SLC35B2: variants seen among roughly 807,000 people sequenced by gnomAD.
The protein encoded by SLC35B2 is solute carrier family 35 member B2.
Under a neutral mutation model 37.9 loss-of-function variants are expected in SLC35B2, and 19 were observed. The observed-to-expected ratio is 0.50, with a 90% CI of 0.35 to 0.74. The LOEUF is 0.74. Ranked by LOEUF, SLC35B2 falls within the 30% of genes least tolerant of loss-of-function variation. The pLI, the probability that SLC35B2 is intolerant of heterozygous loss-of-function variation, is 0.01. For synonymous variants in SLC35B2, 277 were observed against 225.2 expected, an observed-to-expected ratio of 1.23 and a Z score of -2.06; for missense variants, 633 against 547.6, an observed-to-expected ratio of 1.16 and a Z score of -1.56.
Position 44,255,234 on chromosome 6 carries a change from G to A in SLC35B2, c.771C>T (p.Ser257=), listed in dbSNP as rs772246372. 141 of 1,614,092 alleles carry A rather than the reference G, an allele frequency of 8.7e-5. No individual in the cohort carries two copies. The highest frequency in any genetic ancestry group is 2.9e-4 in the East Asian group (13 of 44,890). Residue 257 remains serine, a synonymous_variant, in exon 4 of 4, where the codon AGC becomes AGT. Coordinates refer to ENST00000393812, the MANE Select transcript of SLC35B2 (RefSeq NM_178148.4). Reference sequence around the variant, plus strand: ...CTGGGGAGCTGCGGGGCTCTGGTCCGCTGGATAGCAGAAACATGCTGACCC... The same window carrying A: ...CTGGGGAGCTGCGGGGCTCTGGTCCACTGGATAGCAGAAACATGCTGACCC... ...SIGVSMFLLS[S]GPEPRSSPAT... is the part of the protein sequence containing the mutation.
rs1479203067 is a variant in SLC35B2 at position 44,254,165 on chromosome 6, A to G, written c.*541T>C. The G allele has an allele frequency of 9.2e-6, 2 of 218,094 alleles. No homozygotes were observed. The highest frequency in any genetic ancestry group is 4.7e-5 in the African/African-American group (2 of 42,368). 13.5% of individuals were successfully genotyped at this position (218,094 alleles called of 1,614,324 possible). A position where few individuals can be genotyped will look rare whatever the true frequency, so the allele number is the denominator to read the frequency against. On this transcript the variant is annotated 3_prime_UTR_variant, in exon 4 of 4. Transcript: ENST00000393812. ...GAGCAAAAAGTTACATTTCTAAAGT[A>G]CCAAAACCTGCAACAGGCTCATGGA...
rs185368084 is a variant in SLC35B2, at chr6:44,255,007, C to T, written c.998G>A (p.Arg333Gln). Residue 333 changes from arginine (R) to glutamine (Q), a missense_variant, in exon 4 of 4, where the codon CGA (arginine) becomes CAA (glutamine). Coordinates refer to ENST00000393812, the MANE Select transcript of SLC35B2 (RefSeq NM_178148.4). ...ALLEGTRFMG[R>Q]HSEFAAHALL... Reference sequence around the variant, plus strand: ...GGCATGGGCAGCAAACTCACTGTGTCGCCCCATGAAGCGGGTTCCCTCCAG... The same window carrying T: ...GGCATGGGCAGCAAACTCACTGTGTTGCCCCATGAAGCGGGTTCCCTCCAG... 103 of 1,614,156 alleles carry T rather than the reference C, an allele frequency of 6.4e-5. 1 individual carries two copies. The South Asian group carries it at 6.5e-4, about 10-fold the overall frequency.
chr6:44,254,671 C>G lies in SLC35B2; in HGVS notation c.*35G>C. On this transcript the variant is annotated 3_prime_UTR_variant, in exon 4 of 4. Coordinates refer to ENST00000393812, the MANE Select transcript of SLC35B2 (RefSeq NM_178148.4). ...CAGCAGAAGGGGATGGTGGGAGGGTCCTATTTCACTTCACCCCTCAGGCCC... is the reference window on the plus strand; with the variant it reads ...CAGCAGAAGGGGATGGTGGGAGGGTGCTATTTCACTTCACCCCTCAGGCCC... 6.4e-7 allele frequency: 1 copy of G among 1,569,880 alleles called. No homozygotes were observed. Among genetic ancestry groups the G allele is most frequent in the Non-Finnish European group, 8.7e-7 (1 of 1,154,742 alleles).
In SLC35B2 at chr6:44,254,446, T is replaced by C. The variant is rs1363263471; in HGVS notation, c.*260A>G. 1.0e-5 allele frequency: 5 copies of C among 484,656 alleles called. No individual in the cohort carries two copies. The South Asian group carries it at 1.2e-4, about 12-fold the overall frequency. 30.0% of individuals were successfully genotyped at this position (484,656 alleles called of 1,614,324 possible). On this transcript the variant is annotated 3_prime_UTR_variant, in exon 4 of 4. Transcript: ENST00000393812. The stretch of plus-strand genomic sequence containing the variant: ...TAACTGGAACCTACCTATGCTCTCT[T>C]GACCCCAAACTCCCCAAAACCCCTC...
intron 3 of SLC35B2, 67 bp from the exon 4 acceptor site, chr6:44,255,711 C>T: frequency 2.8e-6 from 4 of 1,447,462 alleles, no homozygotes; most frequent in Non-Finnish European, 3.7e-6. Context: ...AAAAATTGAC[C>T]TCTCTCTCTT....
Position 44,254,711 on chromosome 6 carries a change from CCTT to C in SLC35B2, c.1291_1293del (p.Lys431del), listed in dbSNP as rs752392556. On this transcript the variant is annotated inframe_deletion, in exon 4 of 4. Coordinates refer to ENST00000393812, the MANE Select transcript of SLC35B2 (RefSeq NM_178148.4). ...CCCTCAGGCCCTTTCCACCCTCAAA[CCTT>C]CTGCACAGGAGACTCAACAGGCACA... 4.7e-5 allele frequency: 76 copies of C among 1,607,456 alleles called. No homozygotes were observed. The highest frequency in any genetic ancestry group is 3.0e-4 in the Admixed American group (18 of 59,742).
At chr6:44,257,001 C>G (rs920962872) in intron 1 of SLC35B2, 123 bp from the exon 2 acceptor site, 4 of 1,092,852 alleles carry the variant, frequency 3.7e-6, no homozygotes, top group South Asian at 1.8e-5. Flanking sequence ...AGCTCCGGCC[C>G]GGACAAAGAG....
At position 44,256,884 on chromosome 6, in the gene SLC35B2, A is replaced by C. The variant is rs780354492; in HGVS notation, c.12-6T>G. ...GCACCACCACTGCCCACCATCTGTA[A>C]GGAAAGCGGACATAAGGATTAGGGC... On this transcript the variant is annotated splice_polypyrimidine_tract_variant and splice_region_variant and intron_variant, in intron 1 of 3. Coordinates refer to ENST00000393812, the MANE Select transcript of SLC35B2 (RefSeq NM_178148.4). The C allele has an allele frequency of 1.9e-6, 3 of 1,601,916 alleles. No individual in the cohort carries two copies. In the South Asian group the frequency reaches 3.3e-5, roughly 18 times the overall value.
chr6:44,254,592 G>A lies in SLC35B2; in HGVS notation c.*114C>T. ...ATCCCCTGCTGCAGAGCTGGTCTGTGATACTGAGAAAACACCTGCATTTTG... is the reference window on the plus strand; with the variant it reads ...ATCCCCTGCTGCAGAGCTGGTCTGTAATACTGAGAAAACACCTGCATTTTG... On this transcript the variant is annotated 3_prime_UTR_variant, in exon 4 of 4. Coordinates refer to ENST00000393812, the MANE Select transcript of SLC35B2 (RefSeq NM_178148.4). 2 of 1,214,376 alleles carry A rather than the reference G, an allele frequency of 1.6e-6. No individual in the cohort carries two copies. Among genetic ancestry groups the A allele is most frequent in the South Asian group, 2.9e-5 (2 of 68,140 alleles). 75.2% of individuals were successfully genotyped at this position (1,214,376 alleles called of 1,614,324 possible). A position where few individuals can be genotyped will look rare whatever the true frequency, so the allele number is the denominator to read the frequency against.
chr6:44,256,234 G>A, intron 3 of SLC35B2, 108 bp downstream of exon 3: 1 of 1,438,902 alleles, frequency 6.9e-7, no homozygotes, highest in South Asian at 1.4e-5. Flanking sequence ...AGGAGGACAC[G>A]AAACACACCA....
At chr6:44,257,550 T>G, upstream of SLC35B2, 1 of 801,452 alleles carries the variant, frequency 1.2e-6, no homozygotes. Context: ...CCCGCCTCCC[T>G]CCCCGCGGCC....
At position 44,254,487 on chromosome 6, in the gene SLC35B2, C is replaced by T; in HGVS notation, c.*219G>A. ...AAAACCCCTCACTGAGGACTGTCTA[C>T]CCCCGGGGCTCAGAATAAACTGCTT... On this transcript the variant is annotated 3_prime_UTR_variant, in exon 4 of 4. Transcript: ENST00000393812. 1 of 570,072 alleles carries T rather than the reference C, an allele frequency of 1.8e-6. No homozygotes were observed. The highest frequency in any genetic ancestry group is 3.1e-6 in the Non-Finnish European group (1 of 324,382). 35.3% of individuals were successfully genotyped at this position (570,072 alleles called of 1,614,324 possible).
In SLC35B2 at chr6:44,257,411, G is replaced by A. The variant is rs1781686664; in HGVS notation, c.-1C>T. 3 of 1,266,430 alleles carry A rather than the reference G, an allele frequency of 2.4e-6. No individual in the cohort carries two copies. Among genetic ancestry groups the A allele is most frequent in the South Asian group, 3.2e-5 (1 of 31,014 alleles). 78.4% of individuals were successfully genotyped at this position (1,266,430 alleles called of 1,614,324 possible). On this transcript the variant is annotated 5_prime_UTR_variant, in exon 1 of 4. Coordinates refer to ENST00000393812, the MANE Select transcript of SLC35B2 (RefSeq NM_178148.4). ...GCCCTAGCCCCCACCTGGCGTCCAT[G>A]GTCCAGGCCGCGTGGGGTGGAGGGG...
chr6:44,254,685 C>A lies in SLC35B2; in HGVS notation c.*21G>T, dbSNP rs1200265336. 1 of 1,584,326 alleles carries A rather than the reference C, an allele frequency of 6.3e-7. No homozygotes were observed. Among genetic ancestry groups the A allele is most frequent in the Non-Finnish European group, 8.6e-7 (1 of 1,162,162 alleles). ...GGTGGGAGGGTCCTATTTCACTTCA[C>A]CCCTCAGGCCCTTTCCACCCTCAAA... On this transcript the variant is annotated 3_prime_UTR_variant, in exon 4 of 4. Coordinates refer to ENST00000393812, the MANE Select transcript of SLC35B2 (RefSeq NM_178148.4).
Position 44,255,522 on chromosome 6 carries a change from C to G in SLC35B2, c.483G>C (p.Val161=). The change falls in exon 4 of 4, where the codon GTG becomes GTC. Residue 161 remains valine (V), a synonymous_variant. Coordinates refer to ENST00000393812, the MANE Select transcript of SLC35B2 (RefSeq NM_178148.4). ...DSQFLVLMNR[V]LALIVAGLSC... ...AGAGGCCAGCCACAATCAGTGCCAG[C>G]ACTCGGTTCATTAGCACCAGGAACT... is the stretch of plus-strand genomic sequence containing the variant. The G allele has an allele frequency of 1.2e-6, 2 of 1,614,216 alleles. No homozygotes were observed. The highest frequency in any genetic ancestry group is 1.7e-6 in the Non-Finnish European group (2 of 1,180,034).
intron 1 of SLC35B2, 75 bp downstream of exon 1, chr6:44,257,325 C>T (rs1278551796): frequency 2.3e-6 from 3 of 1,310,440 alleles, no homozygotes; most frequent in Admixed American, 3.8e-5. Context: ...CCCCACCCGG[C>T]CCCCGTGCTG....
At position 44,255,156 on chromosome 6, in the gene SLC35B2, G is replaced by A. The variant is rs1273935762; in HGVS notation, c.849C>T (p.Ser283=). The part of the protein sequence containing the change: ...ILLAGYIAFD[S]FTSNWQDALF... The stretch of plus-strand genomic sequence containing the variant: ...GGGCATCCTGCCAGTTTGAGGTGAA[G>A]CTGTCAAAAGCAATATAACCTGCCA... Residue 283 remains serine, a synonymous_variant, in exon 4 of 4, where the codon AGC becomes AGT. Transcript: ENST00000393812. 5.6e-6 allele frequency: 9 copies of A among 1,614,126 alleles called. No individual in the cohort carries two copies. Among genetic ancestry groups the A allele is most frequent in the African/African-American group, 1.3e-5 (1 of 74,946 alleles).
rs749564241 is a variant in SLC35B2, at chr6:44,255,119, T to TA, written c.885dup (p.Lys296Ter). On this transcript the variant is annotated frameshift_variant, in exon 4 of 4. Transcript: ENST00000393812. LOFTEE classifies it high-confidence loss of function. ...AACATCATCTGCACCGATGACATCT[T>TA]ATAGGCAAACAGGGCATCCTGCCAG... 5 of 1,614,088 alleles carry TA rather than the reference T, an allele frequency of 3.1e-6. No individual in the cohort carries two copies. Among genetic ancestry groups the TA allele is most frequent in the Non-Finnish European group, 4.2e-6 (5 of 1,179,996 alleles).
rs1474985129 is a variant in SLC35B2, at chr6:44,256,807, G to A, written c.83C>T (p.Pro28Leu). Residue 28 changes from proline (P) to leucine (L), a missense_variant, in exon 2 of 4, where the codon CCG (proline) becomes CTG (leucine). By Grantham distance (98) the Pro-to-Leu change is moderately conservative. Coordinates refer to ENST00000393812, the MANE Select transcript of SLC35B2 (RefSeq NM_178148.4). ...GAGGETPEAPPESWTQLWFFR... is the reference protein window; with the variant it reads ...GAGGETPEAPLESWTQLWFFR... ...GAACCATAGCTGGGTCCATGACTCC[G>A]GAGGGGCTTCGGGAGTCTCCCCACC... 2 of 1,613,978 alleles carry A rather than the reference G, an allele frequency of 1.2e-6. No individual in the cohort carries two copies. The highest frequency in any genetic ancestry group is 1.7e-6 in the Non-Finnish European group (2 of 1,179,980).
Sources: allele counts gnomAD v4.1 joint callset, GRCh38; gene constraint gnomAD v4.1.1; transcripts MANE v1.5; gene names NCBI Gene and HGNC (gene_info 2026-07-23, HGNC 2026-07-21).